MELK: variants seen among roughly 807,000 people sequenced by gnomAD.
MELK encodes the protein maternal embryonic leucine zipper kinase, also known as pEg3 kinase.
Under a neutral mutation model 85.0 loss-of-function variants are expected in MELK, and 81 were observed. The observed-to-expected ratio is 0.95, with a 90% CI of 0.80 to 1.15. The LOEUF (loss-of-function observed/expected upper bound fraction) is 1.15. MELK is among the 50% of genes most tolerant of loss of function. The pLI is 0.00. For synonymous variants in MELK, 252 were observed against 265.0 expected, an observed-to-expected ratio of 0.95 and a Z score of 0.48; for missense variants, 754 against 777.5, an observed-to-expected ratio of 0.97 and a Z score of 0.36.
At chr9:36,657,657 C>T (rs569218024) in intron 13 of MELK, among the ~76,000 whole-genome samples, 1 of 152,346 alleles carries the variant, frequency 6.6e-6, no homozygotes, top group East Asian at 1.9e-4. Flanking sequence ...GTGGCACGAT[C>T]TCGGCTCACT....
At chr9:36,663,665 G>A (rs1409071316) in intron 13 of MELK, among the ~76,000 whole-genome samples, 1 of 152,064 alleles carries the variant, frequency 6.6e-6, no homozygotes, top group Non-Finnish European at 1.5e-5. Flanking sequence ...TTCACTTAAG[G>A]TAACCTCCAC....
intron 10 of MELK, among the ~76,000 whole-genome samples, chr9:36,636,458 C>T (rs928543792): frequency 5.9e-5 from 9 of 152,008 alleles, no homozygotes; most frequent in African/African-American, 9.7e-5. Context: ...GCCAAGATTG[C>T]GCCATTGCAC....
At chr9:36,589,495 G>T (rs1823308194) in intron 3 of MELK, 41 bp from the exon 4 acceptor site, 1 of 1,509,866 alleles carries the variant, frequency 6.6e-7, no homozygotes, top group African/African-American at 1.4e-5. Context: ...AACACCACCT[G>T]AATAAGTTTA....
intron 17 of MELK, among the ~76,000 whole-genome samples, chr9:36,676,555 G>A (rs185266544): frequency 2.8e-4 from 43 of 152,158 alleles, no homozygotes; most frequent in East Asian, 1.9e-3. Flanking sequence ...TATAAATGCC[G>A]TACGTTTCAG....
At chr9:36,583,888 T>A (rs1004139386) in intron 3 of MELK, among the ~76,000 whole-genome samples, 176 bp downstream of exon 3, 1 of 152,242 alleles carries the variant, frequency 6.6e-6, no homozygotes, top group Non-Finnish European at 1.5e-5. Flanking sequence ...ACTTTGTTCT[T>A]CAGATTTTAA....
chr9:36,601,773 CTA>C (rs1824954057), intron 7 of MELK, among the ~76,000 whole-genome samples: 1 of 152,164 alleles, frequency 6.6e-6, no homozygotes, highest in Non-Finnish European at 1.5e-5. Flanking sequence ...CCTTCTGTCT[CTA>C]TGAATTTGAC....
chr9:36,593,013 A>G, intron 4 of MELK, among the ~76,000 whole-genome samples: 1 of 152,126 alleles, frequency 6.6e-6, no homozygotes, highest in East Asian at 1.9e-4. Flanking sequence ...AGTTTAATCT[A>G]TTCTAGACTA....
intron 8 of MELK, among the ~76,000 whole-genome samples, chr9:36,612,958 C>A (rs1350286139): frequency 1.3e-5 from 2 of 152,188 alleles, no homozygotes; most frequent in Admixed American, 6.5e-5. Flanking sequence ...CATAACATTT[C>A]ATTTGAAGCT....
rs555912416 is a variant in MELK, at chr9:36,631,773, T to C, written c.736-1329T>C. Among the ~76,000 whole-genome samples, 46 of 152,194 alleles carry C rather than the reference T, an allele frequency of 3.0e-4. No individual in the cohort carries two copies. The Middle Eastern group carries it at 0.014, about 45-fold the overall frequency. On this transcript the variant is annotated intron_variant, in intron 9 of 17. Coordinates refer to ENST00000298048, the MANE Select transcript of MELK (RefSeq NM_014791.4). ...GTGTTCTTTCTTTAGTTTTCTTTTT[T>C]TTTTGGTTGTTTTTAAATTTTATTT...
At chr9:36,600,526 C>T (rs10972988) in intron 7 of MELK, among the ~76,000 whole-genome samples, 5,982 of 152,104 alleles carry the variant, frequency 0.039, 332 homozygotes, top group African/African-American at 0.12. Flanking sequence ...TGGGACTACA[C>T]GCGTCCGCCA....
At chr9:36,648,258 T>G (rs1321994202) in intron 11 of MELK, among the ~76,000 whole-genome samples, 7 of 152,042 alleles carry the variant, frequency 4.6e-5, no homozygotes, top group Non-Finnish European at 5.9e-5. Flanking sequence ...AGATATAGGT[T>G]AGTGGTATAA....
At chr9:36,648,530 AGCTCAGAT>A (rs150576591) in intron 11 of MELK, among the ~76,000 whole-genome samples, 5,070 of 152,036 alleles carry the variant, frequency 0.033, 273 homozygotes, top group African/African-American at 0.11. Context: ...TACCAAATAC[AGCTCAGAT>A]GCGGATGATG....
intron 10 of MELK, among the ~76,000 whole-genome samples, chr9:36,634,930 A>G (rs1037668770): frequency 6.6e-6 from 1 of 151,988 alleles, no homozygotes; most frequent in African/African-American, 2.4e-5. Context: ...CCGGGAGGAG[A>G]GTGAGACTCC....
In MELK at chr9:36,671,645, A is replaced by G. The variant is rs181650948; in HGVS notation, c.1674+479A>G. Among the ~76,000 whole-genome samples, 69 of 152,342 alleles carry G rather than the reference A, an allele frequency of 4.5e-4. No homozygotes were observed. In the Middle Eastern group the frequency reaches 0.02, roughly 45 times the overall value. On this transcript the variant is annotated intron_variant, in intron 16 of 17. Transcript: ENST00000298048. ...GCCGGAAGGGCCTCAAGGCCTGGCT[A>G]AGAAGGTGTGGATCTTATTTAATAG... is the stretch of plus-strand genomic sequence containing the variant.
At chr9:36,640,231 T>C (rs1370905920) in intron 10 of MELK, among the ~76,000 whole-genome samples, 3 of 152,118 alleles carry the variant, frequency 2.0e-5, no homozygotes, top group East Asian at 1.9e-4. Flanking sequence ...CTTGCAGTTC[T>C]GGAGGTTGGG....
intron 1 of MELK, among the ~76,000 whole-genome samples, chr9:36,575,034 G>A (rs1286519614): frequency 6.6e-6 from 1 of 152,146 alleles, no homozygotes; most frequent in Non-Finnish European, 1.5e-5. Context: ...TACTTGGGAG[G>A]CTGAGGCAGA....
intron 14 of MELK, among the ~76,000 whole-genome samples, chr9:36,666,475 T>C (rs1832344864): frequency 6.6e-6 from 1 of 152,232 alleles, no homozygotes; most frequent in Admixed American, 6.5e-5. Context: ...ATTAATAAAT[T>C]AGAGCCCAAA....
intron 4 of MELK, 49 bp downstream of exon 4, chr9:36,589,701 T>C: frequency 1.5e-6 from 2 of 1,332,166 alleles, no homozygotes; most frequent in Non-Finnish European, 2.1e-6. Context: ...ACTTTATCAA[T>C]AGTAAAAGAG....
At chr9:36,643,948 AAG>A (rs1830000768) in intron 11 of MELK, among the ~76,000 whole-genome samples, 1 of 151,738 alleles carries the variant, frequency 6.6e-6, no homozygotes, top group Non-Finnish European at 1.5e-5. Flanking sequence ...AAAAAAAAAA[AAG>A]AAAAGAAACA....
Sources: allele counts gnomAD v4.1 joint callset (sites outside exome capture counted in the v4.1 genomes callset), GRCh38; gene constraint gnomAD v4.1.1; transcripts MANE v1.5; gene names NCBI Gene and HGNC (gene_info 2026-07-23, HGNC 2026-07-21).